Variants in POLR3B observed in about 807,000 individuals in gnomAD.
POLR3B encodes the protein DNA-directed RNA polymerase III subunit RPC2.
In POLR3B, 96 loss-of-function variants were observed where a neutral mutation model predicts 147.4. The ratio of observed to expected loss-of-function variants is 0.65; its 90% confidence interval spans 0.55 to 0.77. POLR3B has a LOEUF of 0.77. POLR3B is among the 30% of genes least tolerant of loss of function. The probability of loss-of-function intolerance (pLI) is 0.00; values close to 1 mark genes in which losing one functional copy is unlikely to be tolerated. For missense variants in POLR3B, 1,036 were observed against 1,413.5 expected (o/e 0.73, Z 4.28); for synonymous variants, 461 against 485.9 (o/e 0.95, Z 0.67).
At chr12:106,404,977 G>A (rs1369143870) in intron 10 of POLR3B, among the ~76,000 whole-genome samples, 1 of 152,122 alleles carries the variant, frequency 6.6e-6, no homozygotes, top group Non-Finnish European at 1.5e-5. Context: ...ACCATTTGTT[G>A]AGAAGATTTT....
At chr12:106,373,585 C>G (rs147905323) in intron 6 of POLR3B, among the ~76,000 whole-genome samples, 9 of 152,158 alleles carry the variant, frequency 5.9e-5, no homozygotes, top group African/African-American at 2.2e-4. Flanking sequence ...GAAACCTCAC[C>G]TCTACTAAAA....
At chr12:106,405,161 T>C in intron 10 of POLR3B, among the ~76,000 whole-genome samples, 1 of 152,190 alleles carries the variant, frequency 6.6e-6, no homozygotes, top group East Asian at 1.9e-4. Flanking sequence ...AATATAATAC[T>C]CCAACTTTTT....
intron 27 of POLR3B, among the ~76,000 whole-genome samples, chr12:106,508,607 T>G (rs1484759853): frequency 6.6e-6 from 1 of 152,236 alleles, no homozygotes; most frequent in Non-Finnish European, 1.5e-5. Context: ...GGGACCCTTC[T>G]ACAGTTGTAG....
intron 10 of POLR3B, among the ~76,000 whole-genome samples, chr12:106,394,379 A>T (rs2036954474): frequency 6.6e-6 from 1 of 152,232 alleles, no homozygotes; most frequent in Non-Finnish European, 1.5e-5. Flanking sequence ...TTTGTTGTAC[A>T]CTAAAGTTAC....
chr12:106,458,899 A>G lies in POLR3B; in HGVS notation c.2453-352A>G, dbSNP rs548474603. ...TGGCTTATTACTGGTTGAAATAACT[A>G]TAAATAAAAATAAGTGACCAAAACT... On this transcript the variant is annotated intron_variant, in intron 21 of 27. Coordinates refer to ENST00000228347, the MANE Select transcript of POLR3B (RefSeq NM_018082.6). 9.8e-4 allele frequency among the ~76,000 whole-genome samples: 149 copies of G among 152,358 alleles called. 1 individual carries two copies. The highest frequency in any genetic ancestry group is 3.4e-3 in the African/African-American group (141 of 41,582).
intron 4 of POLR3B, 27 bp downstream of exon 4, chr12:106,366,749 T>C (rs1183909606): frequency 1.3e-6 from 2 of 1,516,192 alleles, no homozygotes; most frequent in South Asian, 2.2e-5. Context: ...CTTAATTTGC[T>C]ATGTGGGTTA....
At chr12:106,500,209 T>TA (rs59109709) in intron 25 of POLR3B, 8 of 450,176 alleles carry the variant, frequency 1.8e-5, no homozygotes, top group Non-Finnish European at 3.1e-5. Context: ...TTGAGGCAGT[T>TA]AAAAAAAAAT....
chr12:106,369,564 A>C lies in POLR3B; in HGVS notation c.304-19A>C, dbSNP rs2036576588. 3 of 1,519,506 alleles carry C rather than the reference A, an allele frequency of 2.0e-6. No homozygotes were observed. The highest frequency in any genetic ancestry group is 3.3e-5 in the Admixed American group (2 of 59,908). 94.1% of individuals were successfully genotyped at this position (1,519,506 alleles called of 1,614,324 possible). A position where few individuals can be genotyped will look rare whatever the true frequency, so the allele number is the denominator to read the frequency against. On this transcript the variant is annotated intron_variant, in intron 5 of 27. Coordinates refer to ENST00000228347, the MANE Select transcript of POLR3B (RefSeq NM_018082.6). Reference sequence around the variant, plus strand: ...TGCAGAGAGGAGCAGTAACTGTCAGATTCCTGATTCTCTTTCAGTGCCGTT... The same window carrying C: ...TGCAGAGAGGAGCAGTAACTGTCAGCTTCCTGATTCTCTTTCAGTGCCGTT...
At chr12:106,374,573 G>T (rs1458972535) in intron 6 of POLR3B, among the ~76,000 whole-genome samples, 3 of 151,268 alleles carry the variant, frequency 2.0e-5, no homozygotes, top group African/African-American at 4.9e-5. Flanking sequence ...GGAGTGCAGT[G>T]GTGTGATCTT....
intron 23 of POLR3B, among the ~76,000 whole-genome samples, chr12:106,489,387 G>A (rs953340537): frequency 6.6e-6 from 1 of 152,294 alleles, no homozygotes; most frequent in Non-Finnish European, 1.5e-5. Context: ...GGATAAAATC[G>A]TTTGGAAGAT....
At chr12:106,466,755 T>TG (rs1382308180) in intron 23 of POLR3B, among the ~76,000 whole-genome samples, 1 of 152,204 alleles carries the variant, frequency 6.6e-6, no homozygotes, top group Non-Finnish European at 1.5e-5. Context: ...AAAGATCAGA[T>TG]GGTGGTAGAT....
intron 11 of POLR3B, 79 bp from the exon 12 acceptor site, chr12:106,410,747 A>G (rs1349364616): frequency 1.3e-5 from 14 of 1,118,240 alleles, no homozygotes; most frequent in Non-Finnish European, 1.9e-5. Context: ...TGAATGTTAT[A>G]GTATTGATAC....
intron 17 of POLR3B, 121 bp downstream of exon 17, chr12:106,437,252 C>T (rs2037589961): frequency 2.6e-6 from 2 of 779,006 alleles, no homozygotes; most frequent in Non-Finnish European, 4.4e-6. Context: ...CTGTTAAAAA[C>T]CTATTTTGCT....
At chr12:106,387,876 G>A (rs1003221211) in intron 9 of POLR3B, among the ~76,000 whole-genome samples, 3 of 152,178 alleles carry the variant, frequency 2.0e-5, no homozygotes, top group Non-Finnish European at 4.4e-5. Context: ...AAAAGTCCTG[G>A]AAGGGGAGTG....
At chr12:106,446,199 C>G (rs960126532) in intron 19 of POLR3B, 11 of 455,490 alleles carry the variant, frequency 2.4e-5, no homozygotes, top group Non-Finnish European at 4.4e-5. Context: ...CATTTTGTTT[C>G]ATGATGTGAA....
Position 106,444,493 on chromosome 12 carries a change from C to G in POLR3B, c.1986C>G (p.Phe662Leu). Residue 662 changes from phenylalanine to leucine, a missense_variant, in exon 19 of 28, where the codon TTC becomes TTG. This residue lies in a region of POLR3B where 177 missense variants were observed against 232.7 expected (regional missense o/e 0.76). Transcript: ENST00000228347. The stretch of plus-strand genomic sequence containing the variant: ...CCACCCACTTGGAGATTGAACCCTT[C>G]ACTCTTCTCGGCGTGTGTGCTGGAC... Reference protein sequence around the residue: ...KDTTHLEIEPFTLLGVCAGLI... With the variant: ...KDTTHLEIEPLTLLGVCAGLI... 6.2e-7 allele frequency: 1 copy of G among 1,613,986 alleles called. No homozygotes were observed. Among genetic ancestry groups the G allele is most frequent in the Non-Finnish European group, 8.5e-7 (1 of 1,179,962 alleles).
intron 19 of POLR3B, among the ~76,000 whole-genome samples, chr12:106,444,801 C>T (rs1034469850): frequency 1.3e-5 from 2 of 152,092 alleles, no homozygotes; most frequent in African/African-American, 4.8e-5. Context: ...ATGGAGAAAA[C>T]CTCTCTAAAC....
intron 16 of POLR3B, among the ~76,000 whole-genome samples, chr12:106,436,048 C>T (rs765910799): frequency 1.3e-4 from 20 of 152,160 alleles, no homozygotes; most frequent in Non-Finnish European, 2.6e-4. Flanking sequence ...CTCTGCTTCC[C>T]TACCAAGAAG....
rs78227535 is a variant in POLR3B, at chr12:106,370,628, A to T, written c.404+945A>T. On this transcript the variant is annotated intron_variant, in intron 6 of 27. Transcript: ENST00000228347. ...TGTTTATCAGTGTTTTTTTTGTTTTATTGTTTTTTTTTTTTTTTTTTGAGA... is the reference window on the plus strand; with the variant it reads ...TGTTTATCAGTGTTTTTTTTGTTTTTTTGTTTTTTTTTTTTTTTTTTGAGA... 1.8e-3 allele frequency among the ~76,000 whole-genome samples: 232 copies of T among 126,822 alleles called. 1 individual carries two copies. The highest frequency in any genetic ancestry group is 6.2e-3 in the African/African-American group (207 of 33,224). The allele number at this position is 126,822 out of a possible 152,430, so 83.2% of individuals were successfully genotyped here. A position where few individuals can be genotyped will look rare whatever the true frequency, so the allele number is the denominator to read the frequency against.
Sources: allele counts gnomAD v4.1 joint callset (sites outside exome capture counted in the v4.1 genomes callset), GRCh38; gene constraint gnomAD v4.1.1; regional missense constraint gnomAD v4.1.1; transcripts MANE v1.5; gene names NCBI Gene and HGNC (gene_info 2026-07-23, HGNC 2026-07-21).